Variants in PCDH9 observed in about 807,000 individuals in gnomAD.
The protein encoded by PCDH9 is protocadherin-9.
Under a neutral mutation model 70.6 loss-of-function variants are expected in PCDH9, and 24 were observed. The ratio of observed to expected loss-of-function variants is 0.34; its 90% CI spans 0.25 to 0.48. The LOEUF is 0.48. PCDH9 is among the 20% of genes least tolerant of loss of function. The pLI, the probability that PCDH9 is intolerant of heterozygous loss-of-function variation, is 0.99. For synonymous variants in PCDH9, 562 were observed against 558.5 expected, an observed-to-expected ratio of 1.01 and a Z score of -0.09; for missense variants, 1,281 against 1,503.6, an observed-to-expected ratio of 0.85 and a Z score of 2.45.
At chr13:66,775,731 C>T (rs7318448) in intron 3 of PCDH9, among the ~76,000 whole-genome samples, 56,716 of 151,968 alleles carry the variant, frequency 0.37, 10,862 homozygotes, top group East Asian at 0.58. Context: ...AATTTTTAAG[C>T]CATTGATAAG....
intron 2 of PCDH9, among the ~76,000 whole-genome samples, chr13:66,943,022 GA>G (rs35403296): frequency 0.022 from 3,360 of 151,968 alleles, 57 homozygotes; most frequent in Non-Finnish European, 0.033. Context: ...AACCTTATTT[GA>G]TACCCTAATT....
chr13:67,203,986 G>A (rs1433214387), intron 2 of PCDH9: 2 of 151,960 alleles, frequency 1.3e-5, no homozygotes, highest in African/African-American at 2.4e-5. Flanking sequence ...ATATATTGGG[G>A]TTAAAAAATC....
At chr13:66,737,752 C>T (rs1012194228) in intron 3 of PCDH9, among the ~76,000 whole-genome samples, 7 of 152,164 alleles carry the variant, frequency 4.6e-5, no homozygotes, top group Non-Finnish European at 7.3e-5. Context: ...CCTGGAAAAT[C>T]GGGCCACTCC....
intron 4 of PCDH9, among the ~76,000 whole-genome samples, chr13:66,411,600 G>C (rs2138324183): frequency 6.6e-6 from 1 of 152,046 alleles, no homozygotes; most frequent in Middle Eastern, 3.4e-3. Context: ...TAATTTTGAA[G>C]ATGTTTAAAT....
chr13:66,560,099 T>G (rs768053732), intron 4 of PCDH9, among the ~76,000 whole-genome samples: 7 of 152,006 alleles, frequency 4.6e-5, no homozygotes, highest in African/African-American at 1.7e-4. Flanking sequence ...GTGTGTGGAC[T>G]CCATTGGACC....
At chr13:66,895,701 C>T (rs1213469498) in intron 3 of PCDH9, among the ~76,000 whole-genome samples, 7 of 152,346 alleles carry the variant, frequency 4.6e-5, no homozygotes, top group Non-Finnish European at 8.8e-5. Context: ...TTTCCTCTCA[C>T]TCTCACAGTC....
At chr13:66,650,420 G>A (rs1383692101) in intron 3 of PCDH9, among the ~76,000 whole-genome samples, 1 of 151,932 alleles carries the variant, frequency 6.6e-6, no homozygotes, top group Non-Finnish European at 1.5e-5. Flanking sequence ...TTCAGCAAGA[G>A]TATATACCAA....
chr13:66,624,907 T>C (rs905519176), intron 4 of PCDH9, among the ~76,000 whole-genome samples: 4 of 152,188 alleles, frequency 2.6e-5, no homozygotes, highest in African/African-American at 2.4e-5. Flanking sequence ...TTTATACCAG[T>C]CTGCCACTAT....
At chr13:66,523,629 A>G (rs1960092034) in intron 4 of PCDH9, among the ~76,000 whole-genome samples, 1 of 151,960 alleles carries the variant, frequency 6.6e-6, no homozygotes, top group East Asian at 1.9e-4. Context: ...CAGTGGAAGA[A>G]TGCATATACA....
chr13:67,110,572 C>G (rs2086640300), intron 2 of PCDH9, among the ~76,000 whole-genome samples: 1 of 149,804 alleles, frequency 6.7e-6, no homozygotes, highest in Non-Finnish European at 1.5e-5. Flanking sequence ...CATAAGGGAT[C>G]TGTGTGACTT....
chr13:67,034,744 C>G (rs2084977027), intron 2 of PCDH9, among the ~76,000 whole-genome samples: 1 of 149,140 alleles, frequency 6.7e-6, no homozygotes, highest in Non-Finnish European at 1.5e-5. Flanking sequence ...TTGTGTGTGT[C>G]ACGAGAGTTT....
chr13:66,567,260 T>C (rs1402645831), intron 4 of PCDH9, among the ~76,000 whole-genome samples: 1 of 152,142 alleles, frequency 6.6e-6, no homozygotes, highest in Admixed American at 6.5e-5. Flanking sequence ...GGAGTTCATG[T>C]TCTAATTAGG....
chr13:67,110,040 T>G lies in PCDH9; in HGVS notation c.3036+115365A>C, dbSNP rs562687858. On this transcript the variant is annotated intron_variant, in intron 2 of 4. Transcript: ENST00000377865. The stretch of plus-strand genomic sequence containing the variant: ...TCCTTGATTTCAAGGGCTTGATAAT[T>G]TGGTCGCGGAGGCTTTGCACATGCA... Among the ~76,000 whole-genome samples, 5 of 152,178 alleles carry G rather than the reference T, an allele frequency of 3.3e-5. No homozygotes were observed. The South Asian group carries it at 6.2e-4, about 19-fold the overall frequency.
At chr13:66,983,800 T>C (rs904500691) in intron 2 of PCDH9, among the ~76,000 whole-genome samples, 7 of 151,826 alleles carry the variant, frequency 4.6e-5, no homozygotes, top group African/African-American at 1.7e-4. Context: ...CTAAGCCTAG[T>C]ACCCAATCGT....
At chr13:67,110,104 C>T (rs1218396508) in intron 2 of PCDH9, among the ~76,000 whole-genome samples, 3 of 151,722 alleles carry the variant, frequency 2.0e-5, no homozygotes, top group Non-Finnish European at 4.4e-5. Flanking sequence ...GACAAAGGAA[C>T]ATCTAAGTAA....
chr13:66,437,411 A>AAAAAAAAC, intron 4 of PCDH9, among the ~76,000 whole-genome samples: 1 of 140,498 alleles, frequency 7.1e-6, no homozygotes, highest in African/African-American at 3.0e-5. Context: ...TCTCAAAAAA[A>AAAAAAAAC]AAAAAAAAAA....
At chr13:66,436,406 C>T (rs1440438549) in intron 4 of PCDH9, among the ~76,000 whole-genome samples, 1 of 152,110 alleles carries the variant, frequency 6.6e-6, no homozygotes, top group Admixed American at 6.5e-5. Flanking sequence ...AATTTCTATT[C>T]ATTATAAATT....
chr13:66,449,172 T>G (rs996332064), intron 4 of PCDH9, among the ~76,000 whole-genome samples: 5 of 152,142 alleles, frequency 3.3e-5, no homozygotes, highest in African/African-American at 1.2e-4. Context: ...TGAAGGTGCT[T>G]TTATATTAAA....
chr13:66,881,653 C>A (rs2081923374), intron 3 of PCDH9, among the ~76,000 whole-genome samples: 1 of 152,082 alleles, frequency 6.6e-6, no homozygotes, highest in Non-Finnish European at 1.5e-5. Flanking sequence ...AATAAAATAA[C>A]AAAATCATTT....
Sources: gnomAD v4.1 joint callset for allele counts (sites outside exome capture counted in the v4.1 genomes callset) on GRCh38, gnomAD v4.1.1 for gene constraint, MANE v1.5 for transcripts, NCBI Gene and HGNC (gene_info 2026-07-23, HGNC 2026-07-21) for gene names.